NFATC2: variants seen among roughly 807,000 people sequenced by gnomAD.
NFATC2 encodes the protein nuclear factor of activated T cells 2.
NFATC2 carries 22 observed loss-of-function variants against 87.3 expected under a neutral mutation model. That is an observed-to-expected ratio of 0.25 (90% CI 0.18 to 0.36). NFATC2 has a LOEUF of 0.36. NFATC2 is among the 10% of genes least tolerant of loss of function. NFATC2 has a pLI of 1.00. For missense variants in NFATC2, 1,149 were observed against 1,259.1 expected, an observed-to-expected ratio of 0.91 and a Z score of 1.32; for synonymous variants, 565 against 542.2, an observed-to-expected ratio of 1.04 and a Z score of -0.58.
intron 9 of NFATC2, among the ~76,000 whole-genome samples, chr20:51,410,228 A>AAAAG (rs58326261): frequency 6.6e-6 from 1 of 151,080 alleles, no homozygotes; most frequent in African/African-American, 2.4e-5. Flanking sequence ...AAAAAAAAAA[A>AAAAG]GCGAAATATT....
intron 6 of NFATC2, among the ~76,000 whole-genome samples, chr20:51,448,549 C>CA (rs1214026537): frequency 6.6e-6 from 1 of 152,170 alleles, no homozygotes; most frequent in Non-Finnish European, 1.5e-5. Flanking sequence ...GAGGCTGGGG[C>CA]AGGAGAATGG....
chr20:51,559,138 C>T (rs1307789494), intron 1 of NFATC2, among the ~76,000 whole-genome samples: 1 of 152,208 alleles, frequency 6.6e-6, no homozygotes, highest in Non-Finnish European at 1.5e-5. Context: ...GGGAGGGGCT[C>T]TCAGTACAGA....
chr20:51,407,750 G>A (rs866353468), intron 9 of NFATC2, among the ~76,000 whole-genome samples: 3 of 152,242 alleles, frequency 2.0e-5, no homozygotes, highest in African/African-American at 7.2e-5. Context: ...TTCAACTGCT[G>A]AGCAGACGGG....
At chr20:51,468,317 A>AT (rs1987880556) in intron 5 of NFATC2, among the ~76,000 whole-genome samples, 1 of 78,010 alleles carries the variant, frequency 1.3e-5, no homozygotes, top group African/African-American at 3.7e-5. Context: ...TTATACCTCC[A>AT]TAAAAATATA....
intron 1 of NFATC2, among the ~76,000 whole-genome samples, chr20:51,552,887 G>C (rs1438433856): frequency 6.6e-6 from 1 of 152,016 alleles, no homozygotes; most frequent in Non-Finnish European, 1.5e-5. Context: ...CATGTGTCAT[G>C]GTGGTTTGCT....
chr20:51,540,140 A>C (rs1028454052), intron 1 of NFATC2, among the ~76,000 whole-genome samples: 7 of 151,932 alleles, frequency 4.6e-5, no homozygotes, highest in African/African-American at 1.7e-4. Context: ...CATCCTCCTG[A>C]GTTTCTGGAA....
chr20:51,536,901 A>ACACG (rs1302958476), intron 1 of NFATC2, among the ~76,000 whole-genome samples: 27 of 147,006 alleles, frequency 1.8e-4, no homozygotes, highest in African/African-American at 7.2e-4. Context: ...AGCACCAAAC[A>ACACG]CACACACACA....
At position 51,432,277 on chromosome 20, in the gene NFATC2, C is replaced by T. The variant is rs149166265; in HGVS notation, c.2512G>A (p.Ala838Thr). ...GGGCCAGGTCTGGTGGTGCCTGGTGCGAAATTCTCGCAGTACATGATGTGC... is the reference window on the plus strand; with the variant it reads ...GGGCCAGGTCTGGTGGTGCCTGGTGTGAAATTCTCGCAGTACATGATGTGC... ...FQHIMYCENF[A>T]PGTTRPGPPP... is the part of the protein sequence containing the mutation. The change falls in exon 9 of 11, where the codon GCA (alanine) becomes ACA (threonine). Residue 838 changes from alanine (A) to threonine (T), a missense_variant. Ala to Thr is a moderately conservative substitution (Grantham distance 58). Transcript: ENST00000371564. This position sits in a 1 kb window ranked among gnomAD's most constrained non-coding sequence, Gnocchi z 4.6. The T allele has an allele frequency of 5.3e-5, 85 of 1,614,042 alleles. No individual in the cohort carries two copies. The highest frequency in any genetic ancestry group is 6.9e-5 in the Non-Finnish European group (81 of 1,180,040).
chr20:51,561,998 G>C (rs1164253066), intron 1 of NFATC2, among the ~76,000 whole-genome samples: 1 of 152,120 alleles, frequency 6.6e-6, no homozygotes, highest in East Asian at 1.9e-4. Flanking sequence ...GCACTTTAAA[G>C]GGGTAGCTGG....
Position 51,540,663 on chromosome 20 carries a change from T to TTGTTTG in NFATC2, c.130+1706_130+1707insCAAACA, listed in dbSNP as rs1555818356. On this transcript the variant is annotated intron_variant, in intron 1 of 10. Coordinates refer to ENST00000371564, the MANE Select transcript of NFATC2 (RefSeq NM_012340.5). The stretch of plus-strand genomic sequence containing the variant: ...AAAACTGAAGTTTTTTTTTTGTTTT[T>TTGTTTG]TTTTTTTTGAGAAAACAGATTCCAG... 3.2e-4 allele frequency among the ~76,000 whole-genome samples: 43 copies of TTGTTTG among 135,772 alleles called. 1 individual carries two copies. The highest frequency in any genetic ancestry group is 7.4e-4 in the African/African-American group (26 of 35,234). The allele number at this position is 135,772 out of a possible 152,430, so 89.1% of individuals were successfully genotyped here.
chr20:51,401,331 G>C (rs1404762201), intron 9 of NFATC2, among the ~76,000 whole-genome samples: 1 of 151,080 alleles, frequency 6.6e-6, no homozygotes, highest in Non-Finnish European at 1.5e-5. Flanking sequence ...GAGCAAGACT[G>C]TCTCAAAAAA....
At chr20:51,558,103 G>A (rs2076993495) in intron 1 of NFATC2, among the ~76,000 whole-genome samples, 1 of 152,158 alleles carries the variant, frequency 6.6e-6, no homozygotes, top group Non-Finnish European at 1.5e-5. Flanking sequence ...CACTTTGGGA[G>A]GCCAAGATGG....
chr20:51,492,892 G>A (rs6021249), intron 3 of NFATC2, among the ~76,000 whole-genome samples: 5,346 of 152,338 alleles, frequency 0.035, 303 homozygotes, highest in African/African-American at 0.12. Flanking sequence ...TGTCGCCCTG[G>A]GTTCCTCGGT....
At chr20:51,446,478 G>A (rs766847891) in intron 6 of NFATC2, among the ~76,000 whole-genome samples, 40 of 152,162 alleles carry the variant, frequency 2.6e-4, no homozygotes, top group Non-Finnish European at 5.0e-4. Context: ...AGTCTGCTGG[G>A]TGATTCAAAA....
chr20:51,533,706 C>T (rs576418988), intron 1 of NFATC2, among the ~76,000 whole-genome samples: 3 of 152,370 alleles, frequency 2.0e-5, no homozygotes, highest in South Asian at 4.1e-4. Context: ...CAGGCTGCCG[C>T]AAGGCCAGGC....
At chr20:51,469,885 G>T (rs1196637970) in intron 5 of NFATC2, among the ~76,000 whole-genome samples, 2 of 152,234 alleles carry the variant, frequency 1.3e-5, no homozygotes, top group Non-Finnish European at 2.9e-5. Flanking sequence ...AGAACAGTGA[G>T]AGAACACATT....
chr20:51,455,699 A>C (rs1045334555), intron 5 of NFATC2, among the ~76,000 whole-genome samples: 1 of 44,410 alleles, frequency 2.3e-5, no homozygotes, highest in African/African-American at 9.5e-5. Context: ...CTAGGAGGAG[A>C]ACGTACTAGT....
At chr20:51,482,118 A>C (rs1600838317) in intron 3 of NFATC2, among the ~76,000 whole-genome samples, 5 of 145,502 alleles carry the variant, frequency 3.4e-5, no homozygotes, top group Admixed American at 6.9e-5. Context: ...AAATCCCCCC[A>C]CCCCCAGCCC....
At chr20:51,418,963 C>A (rs6067765) in intron 9 of NFATC2, among the ~76,000 whole-genome samples, 1 of 150,680 alleles carries the variant, frequency 6.6e-6, no homozygotes, top group African/African-American at 2.5e-5. Context: ...CCCCACCGCC[C>A]TAGGTTTTCT....
Sources: gnomAD v4.1 joint callset for allele counts (sites outside exome capture counted in the v4.1 genomes callset) on GRCh38, gnomAD v4.1.1 for gene constraint, Gnocchi (gnomAD v3.1) non-coding constraint, MANE v1.5 for transcripts, NCBI Gene and HGNC (gene_info 2026-07-23, HGNC 2026-07-21) for gene names.